RARS1: variants seen among roughly 807,000 people sequenced by gnomAD.
RARS1 encodes arginyl-tRNA synthetase 1, also known as arginine--tRNA ligase, cytoplasmic.
Under a neutral mutation model 78.7 loss-of-function variants are expected in RARS1, and 75 were observed. The observed-to-expected ratio is 0.95, with a 90% CI of 0.79 to 1.15. The LOEUF is 1.15. RARS1 is among the 50% of genes most tolerant of loss of function. RARS1 has a pLI of 0.00. For synonymous variants in RARS1, 273 were observed against 268.2 expected, an observed-to-expected ratio of 1.02 and a Z score of -0.18; for missense variants, 787 against 787.5, an observed-to-expected ratio of 1.00 and a Z score of 0.01.
chr5:168,503,576 C>T (rs1041338921), intron 9 of RARS1, among the ~76,000 whole-genome samples: 1 of 151,034 alleles, frequency 6.6e-6, no homozygotes, highest in Non-Finnish European at 1.5e-5. Flanking sequence ...TAAGTAACTT[C>T]ATATTTTTTG....
intron 12 of RARS1, among the ~76,000 whole-genome samples, chr5:168,511,041 A>T (rs1758554233): frequency 6.6e-6 from 1 of 152,140 alleles, no homozygotes. Flanking sequence ...TCTTGGGAGC[A>T]TTTGTAGAGT....
chr5:168,506,923 C>T (rs1582437874), intron 11 of RARS1, 92 bp downstream of exon 11: 1 of 1,055,854 alleles, frequency 9.5e-7, no homozygotes, highest in Non-Finnish European at 1.4e-6. Flanking sequence ...AGAAAGTCCA[C>T]AGTTTCCTTT....
At chr5:168,503,830 A>G (rs982858420) in intron 9 of RARS1, among the ~76,000 whole-genome samples, 1 of 152,026 alleles carries the variant, frequency 6.6e-6, no homozygotes, top group Non-Finnish European at 1.5e-5. Context: ...CAGCACTTGG[A>G]GAGGCTGAGG....
At chr5:168,502,933 TC>T (rs1303155575) in intron 9 of RARS1, among the ~76,000 whole-genome samples, 1 of 152,216 alleles carries the variant, frequency 6.6e-6, no homozygotes, top group African/African-American at 2.4e-5. Flanking sequence ...GGTTTCTCCC[TC>T]TTTTTAAATT....
Position 168,492,726 on chromosome 5 carries a change from T to C in RARS1, c.248T>C (p.Val83Ala). 1 of 1,612,938 alleles carries C rather than the reference T, an allele frequency of 6.2e-7. No individual in the cohort carries two copies. The highest frequency in any genetic ancestry group is 8.5e-7 in the Non-Finnish European group (1 of 1,178,994). ...MINIISRLQE[V>A]FGHAIKAAYP... ...AACATTATTAGCCGCCTACAAGAGG[T>C]CTTTGGTCATGCAATTAAGGCTGCA... Residue 83 changes from valine (V) to alanine (A), a missense_variant, in exon 3 of 15, where the codon GTC (valine) becomes GCC (alanine). Coordinates refer to ENST00000231572, the MANE Select transcript of RARS1 (RefSeq NM_002887.4).
At chr5:168,508,089 T>G (rs569212386) in intron 11 of RARS1, among the ~76,000 whole-genome samples, 1 of 152,242 alleles carries the variant, frequency 6.6e-6, no homozygotes, top group East Asian at 1.9e-4. Context: ...ACATAAAGTT[T>G]TTTAAAACAA....
intron 9 of RARS1, among the ~76,000 whole-genome samples, chr5:168,503,548 A>T (rs1758372895): frequency 6.6e-6 from 1 of 151,282 alleles, no homozygotes; most frequent in Admixed American, 6.6e-5. Context: ...TGTAGTGCTC[A>T]AATTGTTCCA....
At chr5:168,508,310 C>T (rs534001542) in intron 11 of RARS1, among the ~76,000 whole-genome samples, 7 of 151,424 alleles carry the variant, frequency 4.6e-5, no homozygotes, top group East Asian at 1.9e-4. Flanking sequence ...CTATCCCACC[C>T]GCCTTTTTTT....
At chr5:168,509,663 CTT>C (rs11287832) in intron 11 of RARS1, among the ~76,000 whole-genome samples, 202 of 142,988 alleles carry the variant, frequency 1.4e-3, no homozygotes, top group Middle Eastern at 3.5e-3. Flanking sequence ...TTCTTTCTTT[CTT>C]TTTTTTTTTT....
chr5:168,494,486 C>T lies in RARS1; in HGVS notation c.479-64C>T. 5 of 1,591,930 alleles carry T rather than the reference C, an allele frequency of 3.1e-6. No homozygotes were observed. In the East Asian group the frequency reaches 1.1e-4, roughly 36 times the overall value. ...GCCAGGTCAGTGTCTGGAGCAAATC[C>T]TTAGGAGCGAGTGATTATTCAAGAT... On this transcript the variant is annotated intron_variant, in intron 4 of 14. Coordinates refer to ENST00000231572, the MANE Select transcript of RARS1 (RefSeq NM_002887.4).
rs1582440119 is a variant in RARS1 at position 168,510,632 on chromosome 5, G to C, written c.1398G>C (p.Leu466=). The C allele has an allele frequency of 2.5e-6, 4 of 1,611,156 alleles. No homozygotes were observed. Among genetic ancestry groups the C allele is most frequent in the African/African-American group, 1.3e-5 (1 of 74,816 alleles). The change falls in exon 12 of 15, where the codon CTG becomes CTC. Residue 466 remains leucine, a synonymous_variant. Transcript: ENST00000231572. ...AAACAGTGCGCCTCATGGATCTTCTGGGAGAAGGACTAAAACGATCCATGG... is the reference window on the plus strand; with the variant it reads ...AAACAGTGCGCCTCATGGATCTTCTCGGAGAAGGACTAAAACGATCCATGG... ...SGETVRLMDL[L]GEGLKRSMDK...
intron 6 of RARS1, chr5:168,496,966 C>G (rs1047138634): frequency 5.2e-5 from 16 of 309,234 alleles, no homozygotes; most frequent in Non-Finnish European, 4.7e-5. Context: ...ACAGAAAACA[C>G]ATTCATTCAG....
At position 168,518,224 on chromosome 5, in the gene RARS1, C is replaced by T. The variant is rs6555816; in HGVS notation, c.1873+162C>T. ...TGAGCCTCCCGAATGGCTGGACTTA[C>T]ACACGTGTGAGCCACTGCACCCAGC... On this transcript the variant is annotated intron_variant, in intron 14 of 14. Transcript: ENST00000231572. 0.13 allele frequency among the ~76,000 whole-genome samples: 19,718 copies of T among 151,326 alleles called. 1,719 individuals carry two copies. The highest frequency in any genetic ancestry group is 0.19 in the Non-Finnish European group (13,007 of 67,806).
intron 1 of RARS1, among the ~76,000 whole-genome samples, chr5:168,487,206 C>CA (rs1436258374): frequency 2.9e-5 from 4 of 140,234 alleles, no homozygotes; most frequent in South Asian, 2.3e-4. Context: ...ACTGAAAATA[C>CA]AAAAAAACTT....
chr5:168,487,996 T>C (rs1007117203), intron 1 of RARS1, among the ~76,000 whole-genome samples: 3 of 152,222 alleles, frequency 2.0e-5, no homozygotes, highest in African/African-American at 7.2e-5. Context: ...ACTTAACTAC[T>C]CTTGCTAAAT....
At chr5:168,513,729 A>C (rs1758612086) in intron 12 of RARS1, among the ~76,000 whole-genome samples, 1 of 152,088 alleles carries the variant, frequency 6.6e-6, no homozygotes, top group African/African-American at 2.4e-5. Context: ...TGCATTAGAC[A>C]ATCAGTACTT....
intron 12 of RARS1, among the ~76,000 whole-genome samples, chr5:168,511,194 AAT>A (rs1491159258): frequency 5.6e-5 from 8 of 143,758 alleles, no homozygotes; most frequent in Admixed American, 4.4e-4. Context: ...CAACAAGAAA[AAT>A]TTTTTTTTTT....
intron 9 of RARS1, 133 bp from the exon 10 acceptor site, chr5:168,505,888 T>G (rs1758435265): frequency 3.7e-6 from 3 of 818,848 alleles, no homozygotes; most frequent in Admixed American, 6.7e-5. Flanking sequence ...TTATGTGCTT[T>G]CTTTAGCTCT....
At chr5:168,502,598 G>T (rs780040731) in intron 9 of RARS1, among the ~76,000 whole-genome samples, 6 of 135,852 alleles carry the variant, frequency 4.4e-5, no homozygotes, top group Non-Finnish European at 9.3e-5. Flanking sequence ...TGGAAACAGA[G>T]TCTTACTCTG....
Sources: gnomAD v4.1 joint callset for allele counts (sites outside exome capture counted in the v4.1 genomes callset) on GRCh38, gnomAD v4.1.1 for gene constraint, MANE v1.5 for transcripts, NCBI Gene and HGNC (gene_info 2026-07-23, HGNC 2026-07-21) for gene names.